UNC5C: variants seen among roughly 807,000 people sequenced by gnomAD.
UNC5C encodes the protein netrin receptor UNC5C.
In UNC5C, 47 loss-of-function variants were observed where a neutral mutation model predicts 99.8. That is an observed-to-expected ratio of 0.47 (90% CI 0.37 to 0.60). The LOEUF (loss-of-function observed/expected upper bound fraction) is 0.60. Ranked by LOEUF, UNC5C falls within the 20% of genes least tolerant of loss-of-function variation. The pLI, the probability that UNC5C is intolerant of heterozygous loss-of-function variation, is 0.00. For synonymous variants in UNC5C, 487 were observed against 452.2 expected (o/e 1.08, Z -0.98); for missense variants, 1,062 against 1,165.9 (o/e 0.91, Z 1.30).
intron 1 of UNC5C, among the ~76,000 whole-genome samples, chr4:95,489,733 G>T (rs1721428836): frequency 6.6e-6 from 1 of 151,714 alleles, no homozygotes; most frequent in Admixed American, 6.6e-5. Context: ...AGTACACAGT[G>T]AGAAGCTGAC....
At chr4:95,486,581 C>G (rs1721335502) in intron 1 of UNC5C, among the ~76,000 whole-genome samples, 1 of 151,672 alleles carries the variant, frequency 6.6e-6, no homozygotes, top group Non-Finnish European at 1.5e-5. Flanking sequence ...GTCCATATCT[C>G]CAGTCTGGCC....
intron 1 of UNC5C, among the ~76,000 whole-genome samples, chr4:95,415,720 G>C (rs374734801): frequency 1.4e-4 from 21 of 151,974 alleles, no homozygotes; most frequent in Non-Finnish European, 2.4e-4. Flanking sequence ...AGCAACCTTC[G>C]TGGATTGCTA....
chr4:95,202,202 A>G (rs1311034238), intron 12 of UNC5C, among the ~76,000 whole-genome samples: 1 of 152,230 alleles, frequency 6.6e-6, no homozygotes, highest in Non-Finnish European at 1.5e-5. Flanking sequence ...AAAGGCACTT[A>G]CTATATCCCT....
intron 3 of UNC5C, among the ~76,000 whole-genome samples, chr4:95,298,636 T>C (rs893882119): frequency 4.6e-5 from 7 of 152,256 alleles, no homozygotes; most frequent in Admixed American, 3.3e-4. Context: ...AAATTCCCTT[T>C]TCCTGCTGTA....
At chr4:95,427,506 C>A (rs1014945232) in intron 1 of UNC5C, among the ~76,000 whole-genome samples, 2 of 152,168 alleles carry the variant, frequency 1.3e-5, no homozygotes, top group African/African-American at 4.8e-5. Flanking sequence ...TCAACCCAGT[C>A]TTCAACAACC....
chr4:95,234,112 G>A (rs570721793), intron 7 of UNC5C, among the ~76,000 whole-genome samples: 1 of 151,992 alleles, frequency 6.6e-6, no homozygotes, highest in East Asian at 1.9e-4. Flanking sequence ...TGTTCTCTGT[G>A]TCTCTCTCTC....
chr4:95,427,758 C>T (rs937343725), intron 1 of UNC5C, among the ~76,000 whole-genome samples: 18 of 152,096 alleles, frequency 1.2e-4, no homozygotes, highest in African/African-American at 3.6e-4. Context: ...GTAATATCTG[C>T]TTTATTGTGG....
chr4:95,328,335 G>T (rs1294689328), intron 2 of UNC5C, among the ~76,000 whole-genome samples: 1 of 96,054 alleles, frequency 1.0e-5, no homozygotes, highest in Non-Finnish European at 2.3e-5. Context: ...TTGCTCTTGC[G>T]ATAGTTTACT....
At chr4:95,400,368 C>T (rs191335984) in intron 1 of UNC5C, among the ~76,000 whole-genome samples, 1 of 147,528 alleles carries the variant, frequency 6.8e-6, no homozygotes, top group Admixed American at 6.8e-5. Context: ...GTTCCACAGC[C>T]ACAGTGAGAT....
intron 1 of UNC5C, among the ~76,000 whole-genome samples, chr4:95,360,565 ACT>A (rs1182618232): frequency 6.6e-6 from 1 of 152,200 alleles, no homozygotes; most frequent in Non-Finnish European, 1.5e-5. Flanking sequence ...GCCACCTTTC[ACT>A]GTTCCTTATG....
rs890444693 is a variant in UNC5C, at chr4:95,358,996, T to A, written c.125-23365A>T. Among the ~76,000 whole-genome samples, 14 of 152,298 alleles carry A rather than the reference T, an allele frequency of 9.2e-5. 1 individual carries two copies. Among genetic ancestry groups the A allele is most frequent in the African/African-American group, 3.4e-4 (14 of 41,578 alleles). ...CTATGCTTAAAGGCAGTTAAAGTTTTAAGATTTCATGTTGTATTTGGAGGT... is the reference window on the plus strand; with the variant it reads ...CTATGCTTAAAGGCAGTTAAAGTTTAAAGATTTCATGTTGTATTTGGAGGT... On this transcript the variant is annotated intron_variant, in intron 1 of 15. Transcript: ENST00000453304.
chr4:95,293,376 C>T (rs1336803224), intron 3 of UNC5C, among the ~76,000 whole-genome samples: 1 of 131,662 alleles, frequency 7.6e-6, no homozygotes, highest in Non-Finnish European at 1.5e-5. Context: ...GATCATGGCT[C>T]ACTGCAGCCT....
chr4:95,535,416 T>C (rs527372211), intron 1 of UNC5C, among the ~76,000 whole-genome samples: 3 of 152,284 alleles, frequency 2.0e-5, no homozygotes, highest in Admixed American at 6.5e-5. Flanking sequence ...TGAAAAATCA[T>C]TGTATAGCAT....
At chr4:95,204,669 G>A (rs1737811012) in intron 11 of UNC5C, among the ~76,000 whole-genome samples, 1 of 152,266 alleles carries the variant, frequency 6.6e-6, no homozygotes. Flanking sequence ...TCAGAGACAA[G>A]AGTCAGTCAG....
intron 7 of UNC5C, 93 bp from the exon 8 acceptor site, chr4:95,220,269 C>A (rs1738423560): frequency 3.4e-6 from 4 of 1,172,674 alleles, no homozygotes; most frequent in Middle Eastern, 4.1e-4. Flanking sequence ...ACATTTACTG[C>A]CTTTTTTATA....
At chr4:95,371,430 G>T (rs758138300) in intron 1 of UNC5C, among the ~76,000 whole-genome samples, 4 of 67,182 alleles carry the variant, frequency 6.0e-5, no homozygotes, top group African/African-American at 2.7e-4. Context: ...TTGTGGGGGG[G>T]GGGGAGTATC....
rs1389560977 is a variant in UNC5C, at chr4:95,168,550, C to G, written c.*684G>C. On this transcript the variant is annotated 3_prime_UTR_variant, in exon 16 of 16. Transcript: ENST00000453304. ...CACTGTCTTCCCTGCAGTGCTACAG[C>G]TTTATTCCCAAAGGGCACCAGAAGG... 6.6e-6 allele frequency: 1 copy of G among 152,636 alleles called. No individual in the cohort carries two copies. The highest frequency in any genetic ancestry group is 6.5e-5 in the Admixed American group (1 of 15,286). 9.5% of individuals were successfully genotyped at this position (152,636 alleles called of 1,614,324 possible). A position where few individuals can be genotyped will look rare whatever the true frequency, so the allele number is the denominator to read the frequency against.
intron 1 of UNC5C, among the ~76,000 whole-genome samples, chr4:95,356,224 A>C (rs111486409): frequency 0.081 from 10,130 of 125,048 alleles, 458 homozygotes; most frequent in African/African-American, 0.12. Flanking sequence ...AAAACAAAAA[A>C]AAAACAGATT....
chr4:95,502,359 C>T (rs1721796593), intron 1 of UNC5C, among the ~76,000 whole-genome samples: 1 of 152,086 alleles, frequency 6.6e-6, no homozygotes, highest in South Asian at 2.1e-4. Flanking sequence ...GCCTTGAACT[C>T]CTGGGTTCAA....
Sources: gnomAD v4.1 joint callset for allele counts (sites outside exome capture counted in the v4.1 genomes callset) on GRCh38, gnomAD v4.1.1 for gene constraint, MANE v1.5 for transcripts, NCBI Gene and HGNC (gene_info 2026-07-23, HGNC 2026-07-21) for gene names.